The following MAGI2 variants were observed in gnomAD, a reference collection of about 807,000 sequenced individuals.
The protein encoded by MAGI2 is membrane associated guanylate kinase, WW and PDZ domain containing 2.
In MAGI2, 35 loss-of-function variants were observed where a neutral mutation model predicts 133.3. That is an observed-to-expected ratio of 0.26 (90% CI 0.20 to 0.35). MAGI2 has a LOEUF of 0.35. MAGI2 is among the 10% of genes least tolerant of loss of function. MAGI2 has a pLI of 1.00. For synonymous variants in MAGI2, 729 were observed against 710.6 expected (o/e 1.03, Z -0.41); for missense variants, 1,636 against 1,863.4 (o/e 0.88, Z 2.25).
At chr7:79,386,827 G>A (rs1844214963) in intron 1 of MAGI2, among the ~76,000 whole-genome samples, 1 of 151,970 alleles carries the variant, frequency 6.6e-6, no homozygotes, top group Non-Finnish European at 1.5e-5. Context: ...GATGGGATCA[G>A]TGACCTTATA....
intron 1 of MAGI2, among the ~76,000 whole-genome samples, chr7:79,225,567 A>G (rs1830781016): frequency 1.3e-5 from 2 of 152,216 alleles, no homozygotes; most frequent in African/African-American, 4.8e-5. Context: ...TTTGTGAGAG[A>G]TATGCTAAAT....
intron 6 of MAGI2, among the ~76,000 whole-genome samples, chr7:78,381,480 A>G (rs947203178): frequency 2.0e-5 from 3 of 152,298 alleles, no homozygotes; most frequent in African/African-American, 4.8e-5. Flanking sequence ...AGAAAAGAAT[A>G]TCTTCTATAG....
At chr7:78,601,959 T>G (rs1037390532) in intron 3 of MAGI2, among the ~76,000 whole-genome samples, 2 of 152,066 alleles carry the variant, frequency 1.3e-5, no homozygotes, top group Non-Finnish European at 2.9e-5. Flanking sequence ...CTTAGCTGAG[T>G]CTATTAGGTT....
chr7:79,110,063 T>TAA (rs976944597), intron 1 of MAGI2, among the ~76,000 whole-genome samples: 1 of 151,966 alleles, frequency 6.6e-6, no homozygotes, highest in African/African-American at 2.4e-5. Context: ...GTGCGAGCCA[T>TAA]AAACCTTCAT....
chr7:78,217,475 T>C (rs969424589), intron 10 of MAGI2, among the ~76,000 whole-genome samples: 2 of 152,204 alleles, frequency 1.3e-5, no homozygotes, highest in East Asian at 1.9e-4. Context: ...TTCTCTGTGG[T>C]GTATCTCTCA....
chr7:79,071,696 G>A lies in MAGI2; in HGVS notation c.302-64490C>T, dbSNP rs540778784. On this transcript the variant is annotated intron_variant, in intron 1 of 21. Transcript: ENST00000354212. ...AATCTAGAGAGGCAGTCTGGCTGCC[G>A]CGGCCTTACGGAGCTGTGGTGGGCT... 3.8e-4 allele frequency among the ~76,000 whole-genome samples: 58 copies of A among 151,882 alleles called. 1 individual carries two copies. The South Asian group carries it at 0.011, about 29-fold the overall frequency.
chr7:78,584,117 TC>T (rs918160976), intron 3 of MAGI2, among the ~76,000 whole-genome samples: 3 of 151,104 alleles, frequency 2.0e-5, no homozygotes, highest in African/African-American at 7.3e-5. Context: ...AGAGCGGGAG[TC>T]AACCTTAAGA....
At chr7:78,674,647 AC>A in intron 2 of MAGI2, among the ~76,000 whole-genome samples, 1 of 152,286 alleles carries the variant, frequency 6.6e-6, no homozygotes, top group Admixed American at 6.5e-5. Flanking sequence ...GATGAGTTAC[AC>A]CTGCCCAATA....
chr7:78,455,408 T>C (rs1002414942), intron 6 of MAGI2, among the ~76,000 whole-genome samples: 1 of 152,128 alleles, frequency 6.6e-6, no homozygotes, highest in African/African-American at 2.4e-5. Flanking sequence ...CATCTACAAT[T>C]GTAATAAACA....
chr7:79,378,216 T>C (rs1052196994), intron 1 of MAGI2, among the ~76,000 whole-genome samples: 4 of 151,676 alleles, frequency 2.6e-5, no homozygotes, highest in South Asian at 2.1e-4. Context: ...TATCTGAAAC[T>C]GGGAGACAAC....
At chr7:78,169,989 G>A (rs1374619172) in intron 14 of MAGI2, among the ~76,000 whole-genome samples, 1 of 152,218 alleles carries the variant, frequency 6.6e-6, no homozygotes, top group Non-Finnish European at 1.5e-5. Context: ...TTGTGCAAAA[G>A]CCAGTTAAAA....
At chr7:79,155,286 C>T (rs1421417390) in intron 1 of MAGI2, among the ~76,000 whole-genome samples, 1 of 138,470 alleles carries the variant, frequency 7.2e-6, no homozygotes, top group Non-Finnish European at 1.6e-5. Flanking sequence ...CATTTATTCA[C>T]TCATTCATGT....
intron 9 of MAGI2, among the ~76,000 whole-genome samples, chr7:78,283,483 A>T (rs1795837123): frequency 6.6e-6 from 1 of 152,136 alleles, no homozygotes; most frequent in African/African-American, 2.4e-5. Flanking sequence ...AAATATATGA[A>T]TAAGTAAATA....
At chr7:79,085,792 G>C (rs957272602) in intron 1 of MAGI2, among the ~76,000 whole-genome samples, 12 of 151,968 alleles carry the variant, frequency 7.9e-5, no homozygotes, top group African/African-American at 2.6e-4. Context: ...CCAATGCTTG[G>C]ACACAGATTT....
Position 78,437,139 on chromosome 7 carries a change from A to G in MAGI2, c.1045+52622T>C, listed in dbSNP as rs939505744. ...GGCTCCTGTTAGCGACAGAAATGCT[A>G]TTGCTCTGTGGCAGTGAGAACATTC... On this transcript the variant is annotated intron_variant, in intron 6 of 21. Transcript: ENST00000354212. Among the ~76,000 whole-genome samples, 41 of 152,216 alleles carry G rather than the reference A, an allele frequency of 2.7e-4. 1 individual carries two copies. The highest frequency in any genetic ancestry group is 2.4e-3 in the Admixed American group (37 of 15,278).
rs575227763 is a variant in MAGI2 at position 78,266,173 on chromosome 7, C to T, written c.1409-9592G>A. 9.2e-5 allele frequency among the ~76,000 whole-genome samples: 14 copies of T among 152,248 alleles called. No individual in the cohort carries two copies. In the South Asian group the frequency reaches 1.0e-3, roughly 11 times the overall value. On this transcript the variant is annotated intron_variant, in intron 9 of 21. Transcript: ENST00000354212. ...GTGTGTTTACTACCTGACCTAGGCA[C>T]GTACACACACTTTTAAGACACGTAG...
chr7:78,206,294 CTT>C (rs869221931), intron 10 of MAGI2, among the ~76,000 whole-genome samples: 9 of 44,700 alleles, frequency 2.0e-4, no homozygotes, highest in South Asian at 5.3e-4. Context: ...CTTTTCCTTT[CTT>C]TTTTTTTTTT....
chr7:78,477,244 C>T (rs1204086609), intron 6 of MAGI2, among the ~76,000 whole-genome samples: 1 of 151,924 alleles, frequency 6.6e-6, no homozygotes, highest in East Asian at 1.9e-4. Context: ...TTAGCACTTA[C>T]AGAGATTGTT....
intron 4 of MAGI2, among the ~76,000 whole-genome samples, chr7:78,520,330 G>A (rs993581192): frequency 3.9e-5 from 6 of 152,088 alleles, no homozygotes; most frequent in South Asian, 2.1e-4. Flanking sequence ...GAAGTTTTTC[G>A]CTGATAAAAA....
Sources: allele counts gnomAD v4.1 joint callset (sites outside exome capture counted in the v4.1 genomes callset), GRCh38; gene constraint gnomAD v4.1.1; transcripts MANE v1.5; gene names NCBI Gene and HGNC (gene_info 2026-07-23, HGNC 2026-07-21).